Variants in CCDC66 observed in about 807,000 individuals in gnomAD.
CCDC66 encodes coiled-coil domain-containing protein 66.
In CCDC66, 133 loss-of-function variants were observed where a neutral mutation model predicts 128.3. The ratio of observed to expected loss-of-function variants is 1.04; its 90% CI spans 0.90 to 1.20. The LOEUF (loss-of-function observed/expected upper bound fraction) is 1.20, where lower values mean the gene tolerates loss of function less well. CCDC66 is among the 50% of genes most tolerant of loss of function. CCDC66 has a pLI of 0.00. For missense variants in CCDC66, 1,126 were observed against 1,075.5 expected, an observed-to-expected ratio of 1.05 and a Z score of -0.66; for synonymous variants, 387 against 357.0, an observed-to-expected ratio of 1.08 and a Z score of -0.95.
Position 56,621,525 on chromosome 3 carries a change from A to AT in CCDC66, c.2761-4dup. On this transcript the variant is annotated splice_region_variant and splice_polypyrimidine_tract_variant and intron_variant, in intron 17 of 17. Coordinates refer to ENST00000394672, the MANE Select transcript of CCDC66 (RefSeq NM_001141947.3). ...TTACTAACAAACATATATCAATGTG[A>AT]TTTCAGGGCCTTCTCCAGAAGCAAA... The AT allele has an allele frequency of 2.5e-6, 4 of 1,575,030 alleles. No individual in the cohort carries two copies. The highest frequency in any genetic ancestry group is 2.6e-6 in the Non-Finnish European group (3 of 1,160,390).
At position 56,617,118 on chromosome 3, in the gene CCDC66, T is replaced by TA; in HGVS notation, c.1853dup (p.Asn618LysfsTer27). On this transcript the variant is annotated frameshift_variant, in exon 14 of 18. Coordinates refer to ENST00000394672, the MANE Select transcript of CCDC66 (RefSeq NM_001141947.3). LOFTEE classifies it high-confidence loss of function. ...ATTTGCAACTTTTTTTTAGATGACT[T>TA]AAATATAGGAATATTCACCAATGCA... The TA allele has an allele frequency of 6.6e-7, 1 of 1,514,246 alleles. No individual in the cohort carries two copies. 93.8% of individuals were successfully genotyped at this position (1,514,246 alleles called of 1,614,324 possible).
chr3:56,561,797 A>G (rs1404339975), intron 3 of CCDC66, among the ~76,000 whole-genome samples: 3 of 152,080 alleles, frequency 2.0e-5, no homozygotes, highest in African/African-American at 7.2e-5. Flanking sequence ...CTTTTCTGCA[A>G]GTTATTCATG....
chr3:56,579,638 G>A (rs2067991546), intron 7 of CCDC66, among the ~76,000 whole-genome samples: 1 of 151,728 alleles, frequency 6.6e-6, no homozygotes, highest in Non-Finnish European at 1.5e-5. Flanking sequence ...CAAAGAACAT[G>A]TTAATTTCTG....
At chr3:56,607,182 G>A (rs1441295155) in intron 10 of CCDC66, among the ~76,000 whole-genome samples, 1 of 152,128 alleles carries the variant, frequency 6.6e-6, no homozygotes, top group African/African-American at 2.4e-5. Flanking sequence ...TGTGAAGAAT[G>A]ATGGTGGTAT....
intron 7 of CCDC66, among the ~76,000 whole-genome samples, chr3:56,574,165 C>T (rs1225987901): frequency 1.3e-5 from 2 of 151,388 alleles, no homozygotes; most frequent in Admixed American, 1.3e-4. Flanking sequence ...AGATTGAGAC[C>T]ATCCCAGCCA....
intron 7 of CCDC66, among the ~76,000 whole-genome samples, chr3:56,574,100 A>C (rs1232333110): frequency 3.3e-5 from 5 of 151,704 alleles, no homozygotes; most frequent in Non-Finnish European, 2.9e-5. Context: ...GCAGTGGCTC[A>C]TGCCTGTAAT....
chr3:56,613,324 T>C (rs1283910396), intron 10 of CCDC66, among the ~76,000 whole-genome samples: 1 of 152,206 alleles, frequency 6.6e-6, no homozygotes, highest in Non-Finnish European at 1.5e-5. Flanking sequence ...ACTTTCCTTT[T>C]CCTCCAATTA....
intron 8 of CCDC66, 68 bp downstream of exon 8, chr3:56,593,169 G>C: frequency 7.9e-7 from 1 of 1,261,532 alleles, no homozygotes; most frequent in African/African-American, 1.5e-5. Flanking sequence ...ATTAAAACTA[G>C]AAGTATTCTG....
intron 7 of CCDC66, among the ~76,000 whole-genome samples, chr3:56,581,164 A>C (rs1305609390): frequency 1.3e-5 from 2 of 151,682 alleles, no homozygotes; most frequent in Non-Finnish European, 2.9e-5. Flanking sequence ...TTTGATCTTC[A>C]GTCACTGATA....
At chr3:56,613,482 C>G in intron 10 of CCDC66, 107 bp from the exon 11 acceptor site, 1 of 1,300,796 alleles carries the variant, frequency 7.7e-7, no homozygotes, top group South Asian at 1.5e-5. Context: ...TTTTGGTTCC[C>G]CTCTGTGGAA....
chr3:56,616,952 T>C (rs2075598398), intron 13 of CCDC66, 160 bp from the exon 14 acceptor site: 2 of 496,580 alleles, frequency 4.0e-6, no homozygotes, highest in African/African-American at 2.0e-5. Flanking sequence ...GTTGGGAGTA[T>C]GTGGTTGTTC....
intron 17 of CCDC66, 188 bp downstream of exon 17, chr3:56,620,089 G>T (rs187247958): frequency 1.7e-5 from 8 of 461,060 alleles, no homozygotes; most frequent in Non-Finnish European, 3.0e-5. Flanking sequence ...TTACACTGCC[G>T]TCTTTGAGTA....
At chr3:56,619,583 T>TCAA (rs2076071074) in intron 16 of CCDC66, 56 bp downstream of exon 16, 10 of 371,258 alleles carry the variant, frequency 2.7e-5, no homozygotes, top group African/African-American at 1.2e-3. Flanking sequence ...GTAAACCCCG[T>TCAA]CAACAACTTT....
intron 7 of CCDC66, among the ~76,000 whole-genome samples, chr3:56,590,182 C>G (rs1043993105): frequency 5.3e-5 from 8 of 152,132 alleles, no homozygotes; most frequent in African/African-American, 1.7e-4. Context: ...GCTGTTCTGG[C>G]CCATGGCAAA....
At chr3:56,567,704 G>T (rs2107802213) in intron 6 of CCDC66, among the ~76,000 whole-genome samples, 1 of 151,940 alleles carries the variant, frequency 6.6e-6, no homozygotes, top group Middle Eastern at 3.4e-3. Context: ...GTTTTGTTTT[G>T]TTTTTTGAGA....
chr3:56,582,425 A>G (rs1225003070), intron 7 of CCDC66, among the ~76,000 whole-genome samples: 1 of 151,852 alleles, frequency 6.6e-6, no homozygotes, highest in African/African-American at 2.4e-5. Context: ...CCCCAGTGAG[A>G]TGAACCTGGT....
In CCDC66 at chr3:56,581,464, A is replaced by G. The variant is rs560653201; in HGVS notation, c.936+10162A>G. On this transcript the variant is annotated intron_variant, in intron 7 of 17. Coordinates refer to ENST00000394672, the MANE Select transcript of CCDC66 (RefSeq NM_001141947.3). ...TTTGTTCCATTGCTAGTGAGGAGCT[A>G]TGTTCCTTTGGAGGAGAAGAGGTGC... Among the ~76,000 whole-genome samples, 22 of 151,826 alleles carry G rather than the reference A, an allele frequency of 1.4e-4. No individual in the cohort carries two copies. The East Asian group carries it at 1.6e-3, about 11-fold the overall frequency.
intron 11 of CCDC66, among the ~76,000 whole-genome samples, chr3:56,614,276 G>T (rs1342836227): frequency 1.3e-5 from 2 of 152,120 alleles, no homozygotes; most frequent in Non-Finnish European, 2.9e-5. Context: ...AGGTCAAGAT[G>T]AATTATTACA....
Position 56,592,991 on chromosome 3 carries a change from C to G in CCDC66, c.958C>G (p.Pro320Ala). Reference sequence around the variant, plus strand: ...TTAGGAAACAGTACTGCTGGAGCACCCTTTCAGTGCTGTGAAACAAGAACT... The same window carrying G: ...TTAGGAAACAGTACTGCTGGAGCACGCTTTCAGTGCTGTGAAACAAGAACT... Reference protein sequence around the residue: ...QSRETVLLEHPFSAVKQELQR... With the variant: ...QSRETVLLEHAFSAVKQELQR... The change falls in exon 8 of 18, where the codon CCT becomes GCT. Residue 320 changes from proline (P) to alanine (A), a missense_variant. Pro to Ala is a conservative substitution (Grantham distance 27). Transcript: ENST00000394672. The G allele has an allele frequency of 2.5e-6, 4 of 1,609,712 alleles. No homozygotes were observed. The highest frequency in any genetic ancestry group is 1.7e-4 in the Middle Eastern group (1 of 5,780).
Sources: allele counts gnomAD v4.1 joint callset (sites outside exome capture counted in the v4.1 genomes callset), GRCh38; gene constraint gnomAD v4.1.1; transcripts MANE v1.5; gene names NCBI Gene and HGNC (gene_info 2026-07-23, HGNC 2026-07-21).